Variants in KRAS observed in about 807,000 individuals in gnomAD.
The protein encoded by KRAS is KRas proto-oncogene, GTPase, also known as GTPase KRas.
In KRAS, 1 loss-of-function variant was observed where a neutral mutation model predicts 21.0. That is an observed-to-expected ratio of 0.05 (90% CI 0.02 to 0.23). The LOEUF is 0.23. KRAS is among the 10% of genes least tolerant of loss of function. The pLI, the probability that KRAS is intolerant of heterozygous loss-of-function variation, is 1.00. For synonymous variants in KRAS, 67 were observed against 72.5 expected (o/e 0.92, Z 0.39); for missense variants, 107 against 221.8 (o/e 0.48, Z 3.29).
chr12:25,218,156 C>T (rs528500327), intron 4 of KRAS, among the ~76,000 whole-genome samples: 21 of 151,352 alleles, frequency 1.4e-4, no homozygotes, highest in African/African-American at 2.7e-4. Flanking sequence ...TATATATATA[C>T]GCACACACAC....
chr12:25,233,261 G>C (rs1463381593), intron 2 of KRAS, among the ~76,000 whole-genome samples: 1 of 152,044 alleles, frequency 6.6e-6, no homozygotes, highest in Admixed American at 6.6e-5. Context: ...TATAAATGTA[G>C]GTTAGGGCTA....
At chr12:25,247,845 A>G (rs1592825949) in intron 1 of KRAS, among the ~76,000 whole-genome samples, 1 of 152,218 alleles carries the variant, frequency 6.6e-6, no homozygotes, top group East Asian at 1.9e-4. Flanking sequence ...GTGTGAAACA[A>G]TACCACTTTT....
At chr12:25,220,159 AT>A (rs1339810425) in intron 4 of KRAS, among the ~76,000 whole-genome samples, 1 of 152,188 alleles carries the variant, frequency 6.6e-6, no homozygotes, top group Non-Finnish European at 1.5e-5. Flanking sequence ...CAATGTTTCA[AT>A]TTTGACAGCT....
At chr12:25,222,369 A>G (rs1372327311) in intron 4 of KRAS, among the ~76,000 whole-genome samples, 1 of 152,122 alleles carries the variant, frequency 6.6e-6, no homozygotes, top group Non-Finnish European at 1.5e-5. Flanking sequence ...TGCAAATATC[A>G]AATTAATTTC....
chr12:25,241,845 C>T (rs12813551), intron 2 of KRAS, among the ~76,000 whole-genome samples: 82,120 of 151,914 alleles, frequency 0.54, 23,247 homozygotes, highest in East Asian at 0.8. Flanking sequence ...GGAGGGCAGT[C>T]ACCCAACCAT....
chr12:25,225,814 A>G, intron 3 of KRAS, 41 bp from the exon 4 acceptor site: 1 of 1,576,714 alleles, frequency 6.3e-7, no homozygotes. Context: ...CATTAGTAAC[A>G]CAAATATCTT....
chr12:25,239,204 C>A (rs1054009620), intron 2 of KRAS, among the ~76,000 whole-genome samples: 1 of 151,998 alleles, frequency 6.6e-6, no homozygotes, highest in Non-Finnish European at 1.5e-5. Flanking sequence ...ATCTTTAGTA[C>A]CCCCCATCCC....
chr12:25,238,281 T>C (rs1175444710), intron 2 of KRAS, among the ~76,000 whole-genome samples: 1 of 152,160 alleles, frequency 6.6e-6, no homozygotes, highest in Non-Finnish European at 1.5e-5. Flanking sequence ...ATAATGAGCA[T>C]ACATGTGTAA....
At chr12:25,240,695 C>A (rs1951599820) in intron 2 of KRAS, among the ~76,000 whole-genome samples, 1 of 152,118 alleles carries the variant, frequency 6.6e-6, no homozygotes, top group African/African-American at 2.4e-5. Context: ...AGATTCCAAA[C>A]CATAAAATCA....
At chr12:25,220,702 G>A (rs1317268945) in intron 4 of KRAS, among the ~76,000 whole-genome samples, 2 of 148,348 alleles carry the variant, frequency 1.3e-5, no homozygotes, top group Non-Finnish European at 3.0e-5. Context: ...ACTCCAGCCT[G>A]GCAACAGTGA....
intron 4 of KRAS, chr12:25,215,254 C>T (rs990661960): frequency 3.9e-6 from 3 of 760,348 alleles, no homozygotes; most frequent in Non-Finnish European, 4.8e-6. Flanking sequence ...TCAAAATTGT[C>T]TCAATTATAA....
At chr12:25,247,761 A>C (rs1951703670) in intron 1 of KRAS, among the ~76,000 whole-genome samples, 1 of 152,216 alleles carries the variant, frequency 6.6e-6, no homozygotes, top group Non-Finnish European at 1.5e-5. Context: ...TGTGATCATA[A>C]TAGATTGAAT....
At chr12:25,231,323 G>A (rs1044719706) in intron 2 of KRAS, among the ~76,000 whole-genome samples, 2 of 151,764 alleles carry the variant, frequency 1.3e-5, no homozygotes, top group Non-Finnish European at 2.9e-5. Flanking sequence ...CTGACCTCAG[G>A]TGATCCGCCT....
At chr12:25,245,169 C>A in intron 2 of KRAS, 105 bp downstream of exon 2, 1 of 1,217,106 alleles carries the variant, frequency 8.2e-7, no homozygotes. Flanking sequence ...TAACTTTCAG[C>A]ATAATTATCT....
intron 4 of KRAS, chr12:25,215,320 C>G (rs1951241693): frequency 7.0e-7 from 1 of 1,434,698 alleles, no homozygotes; most frequent in African/African-American, 1.4e-5. Flanking sequence ...AGTTTCTTAT[C>G]TTTTAATACT....
intron 2 of KRAS, chr12:25,234,974 T>C (rs1403615539): frequency 3.3e-6 from 1 of 300,608 alleles, no homozygotes; most frequent in Non-Finnish European, 6.1e-6. Context: ...CATATTACTA[T>C]TAATAGTAAT....
intron 2 of KRAS, among the ~76,000 whole-genome samples, chr12:25,232,258 T>G (rs1951483569): frequency 6.6e-6 from 1 of 152,214 alleles, no homozygotes; most frequent in South Asian, 2.1e-4. Flanking sequence ...TCTTGCCCAC[T>G]GTTTTTGTAT....
chr12:25,210,644 T>A (rs1195009772), intron 4 of KRAS: 1 of 152,162 alleles, frequency 6.6e-6, no homozygotes, highest in Non-Finnish European at 1.5e-5. Context: ...GGTCTTATAG[T>A]TTACCAATTT....
At chr12:25,225,535 A>G (rs1352759529) in intron 4 of KRAS, 79 bp downstream of exon 4, 1 of 1,392,510 alleles carries the variant, frequency 7.2e-7, no homozygotes, top group Admixed American at 1.7e-5. Context: ...CATAATTGAG[A>G]GAAAAACTGA....
Sources: allele counts gnomAD v4.1 joint callset (sites outside exome capture counted in the v4.1 genomes callset), GRCh38; gene constraint gnomAD v4.1.1; transcripts MANE v1.5; gene names NCBI Gene and HGNC (gene_info 2026-07-23, HGNC 2026-07-21).